PALLD: variants seen among roughly 807,000 people sequenced by gnomAD.
PALLD encodes the protein palladin, cytoskeletal associated protein, also known as palladin.
Under a neutral mutation model 123.5 loss-of-function variants are expected in PALLD, and 61 were observed. The ratio of observed to expected loss-of-function variants is 0.49; its 90% CI spans 0.40 to 0.61. The LOEUF (loss-of-function observed/expected upper bound fraction) is 0.61, where lower values mean the gene tolerates loss of function less well. PALLD is among the 20% of genes least tolerant of loss of function. PALLD has a pLI of 0.00. For synonymous variants in PALLD, 465 were observed against 496.4 expected (o/e 0.94, Z 0.84); for missense variants, 1,273 against 1,377.0 (o/e 0.92, Z 1.20).
At chr4:168,683,422 T>C (rs1396970273) in intron 5 of PALLD, among the ~76,000 whole-genome samples, 10 of 152,212 alleles carry the variant, frequency 6.6e-5, no homozygotes, top group Non-Finnish European at 1.3e-4. Flanking sequence ...ATGTGTATGC[T>C]CTTTCATATA....
chr4:168,877,077 T>A (rs951914238), intron 10 of PALLD, among the ~76,000 whole-genome samples: 1 of 152,230 alleles, frequency 6.6e-6, no homozygotes, highest in Non-Finnish European at 1.5e-5. Context: ...TTTACATGTG[T>A]TTGAAATAAC....
chr4:168,915,810 T>A, intron 16 of PALLD, 85 bp from the exon 17 acceptor site: 4 of 1,019,826 alleles, frequency 3.9e-6, no homozygotes, highest in Non-Finnish European at 6.2e-6. Flanking sequence ...TATTACCCCA[T>A]GTATTTTAAG....
intron 10 of PALLD, among the ~76,000 whole-genome samples, chr4:168,824,641 G>A (rs553185924): frequency 8.3e-4 from 126 of 151,318 alleles, no homozygotes; most frequent in African/African-American, 2.9e-3. Flanking sequence ...TTACATTTAC[G>A]ACTATGGAAA....
At chr4:168,656,264 T>G (rs939601832) in intron 2 of PALLD, among the ~76,000 whole-genome samples, 1 of 113,932 alleles carries the variant, frequency 8.8e-6, no homozygotes, top group African/African-American at 3.4e-5. Flanking sequence ...CCCCAACGCT[T>G]TGGAGCCTTG....
chr4:168,708,461 T>C (rs1581078750), intron 8 of PALLD, among the ~76,000 whole-genome samples: 1 of 152,218 alleles, frequency 6.6e-6, no homozygotes, highest in South Asian at 2.1e-4. Flanking sequence ...ATTCAAGCCC[T>C]GGCAGCTGTT....
intron 2 of PALLD, among the ~76,000 whole-genome samples, chr4:168,620,414 C>T (rs1774649333): frequency 6.6e-6 from 1 of 152,118 alleles, no homozygotes; most frequent in Non-Finnish European, 1.5e-5. Context: ...GAGATCGCAC[C>T]ACCGCACTGC....
chr4:168,749,925 C>A (rs1730817936), intron 10 of PALLD, among the ~76,000 whole-genome samples: 1 of 150,730 alleles, frequency 6.6e-6, no homozygotes, highest in South Asian at 2.1e-4. Context: ...TTTTTATGTC[C>A]ATGTGTACCC....
At chr4:168,559,101 G>C (rs1767606690) in intron 2 of PALLD, among the ~76,000 whole-genome samples, 2 of 152,132 alleles carry the variant, frequency 1.3e-5, no homozygotes, top group African/African-American at 4.8e-5. Flanking sequence ...TGACTTAACA[G>C]AAGCAGAAAT....
intron 2 of PALLD, among the ~76,000 whole-genome samples, chr4:168,588,229 T>C (rs555662641): frequency 6.6e-6 from 1 of 152,110 alleles, no homozygotes; most frequent in African/African-American, 2.4e-5. Flanking sequence ...TGTAAAAAAT[T>C]CCTGGAGCCA....
intron 2 of PALLD, among the ~76,000 whole-genome samples, chr4:168,617,866 G>A (rs1309492582): frequency 6.6e-6 from 1 of 152,174 alleles, no homozygotes; most frequent in Non-Finnish European, 1.5e-5. Flanking sequence ...ATCAGGAAGT[G>A]TAGTTATGAA....
At chr4:168,709,178 T>C (rs922534947) in intron 9 of PALLD, 31 bp downstream of exon 9, 28 of 1,611,058 alleles carry the variant, frequency 1.7e-5, no homozygotes, top group Non-Finnish European at 2.4e-5. Context: ...ATGACTGGGT[T>C]CTGTTCCCCA....
intron 10 of PALLD, among the ~76,000 whole-genome samples, chr4:168,723,825 T>C (rs1208343955): frequency 6.6e-6 from 1 of 152,188 alleles, no homozygotes; most frequent in Non-Finnish European, 1.5e-5. Context: ...CTATTTATTT[T>C]AGTTACGTGG....
At chr4:168,910,676 T>C (rs936584377) in intron 15 of PALLD, among the ~76,000 whole-genome samples, 3 of 152,316 alleles carry the variant, frequency 2.0e-5, no homozygotes, top group Admixed American at 6.5e-5. Context: ...GTATTAACTA[T>C]ATGGCCTTGT....
chr4:168,569,433 T>A lies in PALLD; in HGVS notation c.908+57021T>A, dbSNP rs112475270. ...CAGACTGTAAATACTTGGGGACTTT[T>A]ATGAAGGGAAAATATTACAAAGGGC... is the stretch of plus-strand genomic sequence containing the variant. On this transcript the variant is annotated intron_variant, in intron 2 of 21. Coordinates refer to ENST00000505667, the MANE Select transcript of PALLD (RefSeq NM_001166108.2). Among the ~76,000 whole-genome samples the A allele has an allele frequency of 3.5e-3, 529 of 152,244 alleles. 2 individuals are homozygous for A. The highest frequency in any genetic ancestry group is 5.3e-3 in the Non-Finnish European group (359 of 68,016).
chr4:168,584,635 A>C (rs1319327143), intron 2 of PALLD, among the ~76,000 whole-genome samples: 1 of 152,214 alleles, frequency 6.6e-6, no homozygotes, highest in East Asian at 1.9e-4. Context: ...TGTCAGACAC[A>C]TTGCTTACAA....
rs1412102338 is a variant in PALLD, at chr4:168,511,925, G to A, written c.421G>A (p.Glu141Lys). 4.3e-6 allele frequency: 7 copies of A among 1,614,106 alleles called. 1 individual carries two copies. The South Asian group carries it at 5.5e-5, about 13-fold the overall frequency. ...PSYIRSLRKA[E>K]KRGAKTPSTN... is the part of the protein sequence containing the mutation. The stretch of plus-strand genomic sequence containing the variant: ...CTACATCCGGAGCCTCCGAAAGGCT[G>A]AAAAGCGTGGTGCAAAAACTCCCAG... Residue 141 changes from glutamate to lysine, a missense_variant, in exon 2 of 22, where the codon GAA becomes AAA. By Grantham distance (56) the Glu-to-Lys change is moderately conservative (BLOSUM62 1). Coordinates refer to ENST00000505667, the MANE Select transcript of PALLD (RefSeq NM_001166108.2).
intron 2 of PALLD, among the ~76,000 whole-genome samples, chr4:168,610,256 G>C (rs1449290532): frequency 6.6e-6 from 1 of 152,120 alleles, no homozygotes; most frequent in Non-Finnish European, 1.5e-5. Flanking sequence ...CAGAGCTCCT[G>C]TTCTCCTGAG....
intron 2 of PALLD, among the ~76,000 whole-genome samples, chr4:168,662,285 C>T (rs1262398895): frequency 6.6e-6 from 1 of 152,222 alleles, no homozygotes; most frequent in Non-Finnish European, 1.5e-5. Flanking sequence ...ATTCCACCCA[C>T]ACTCCTCTCT....
intron 10 of PALLD, among the ~76,000 whole-genome samples, chr4:168,857,003 C>A (rs1434763839): frequency 6.6e-6 from 1 of 152,200 alleles, no homozygotes; most frequent in African/African-American, 2.4e-5. Context: ...GTTTTTCTTT[C>A]TTTTGAAAAC....
Sources: gnomAD v4.1 joint callset for allele counts (sites outside exome capture counted in the v4.1 genomes callset) on GRCh38, gnomAD v4.1.1 for gene constraint, MANE v1.5 for transcripts, NCBI Gene and HGNC (gene_info 2026-07-23, HGNC 2026-07-21) for gene names.